The following TBC1D32 variants were observed in gnomAD, a reference collection of about 807,000 sequenced individuals.
The protein encoded by TBC1D32 is TBC1 domain family member 32.
TBC1D32 carries 151 observed loss-of-function variants against 170.3 expected under a neutral mutation model. That is an observed-to-expected ratio of 0.89 (90% CI 0.78 to 1.01). TBC1D32 has a LOEUF of 1.01. Ranked by LOEUF, TBC1D32 falls within the 50% of genes least tolerant of loss-of-function variation. TBC1D32 has a pLI of 0.00. For missense variants in TBC1D32, 1,464 were observed against 1,457.1 expected (o/e 1.00, Z -0.08); for synonymous variants, 498 against 488.0 (o/e 1.02, Z -0.27).
chr6:121,228,944 C>G (rs1795377786), intron 20 of TBC1D32, among the ~76,000 whole-genome samples: 1 of 151,978 alleles, frequency 6.6e-6, no homozygotes, highest in South Asian at 2.1e-4. Flanking sequence ...ATGATTATGT[C>G]TTTCTGGCGT....
intron 17 of TBC1D32, among the ~76,000 whole-genome samples, chr6:121,246,302 T>C (rs1315200648): frequency 6.6e-6 from 1 of 151,956 alleles, no homozygotes; most frequent in Non-Finnish European, 1.5e-5. Context: ...CACCGACTCT[T>C]CAACCTAAAA....
chr6:121,160,479 C>T lies in TBC1D32; in HGVS notation c.2680-376G>A, dbSNP rs1320024566. ...GTCAGTCATTTCTATCTTATCTTTC[C>T]GAGAGTGACAGTCAAAGCAAGAAGG... On this transcript the variant is annotated intron_variant, in intron 23 of 31. Transcript: ENST00000398212. 4.1e-5 allele frequency among the ~76,000 whole-genome samples: 6 copies of T among 145,330 alleles called. No homozygotes were observed. In the East Asian group the frequency reaches 7.3e-4, roughly 18 times the overall value.
intron 30 of TBC1D32, among the ~76,000 whole-genome samples, chr6:121,102,577 C>T (rs1778239483): frequency 6.6e-6 from 1 of 152,052 alleles, no homozygotes; most frequent in African/African-American, 2.4e-5. Context: ...ACATCTTATA[C>T]AAAAATTAAT....
chr6:121,192,081 T>TCTCC lies in TBC1D32; in HGVS notation c.2570+12993_2570+12994insGGAG, dbSNP rs1554263767. Among the ~76,000 whole-genome samples the TCTCC allele has an allele frequency of 1.3e-4, 17 of 132,498 alleles. 3 individuals are homozygous for TCTCC. Among genetic ancestry groups the TCTCC allele is most frequent in the Admixed American group, 1.2e-3 (12 of 9,932 alleles). 86.9% of individuals were successfully genotyped at this position (132,498 alleles called of 152,430 possible). ...AAACTACCCTTTATATATATATATA[T>TCTCC]ATCCTATTAGTTCTATCCTTCTGGG... On this transcript the variant is annotated intron_variant, in intron 22 of 31. Transcript: ENST00000398212.
intron 25 of TBC1D32, among the ~76,000 whole-genome samples, chr6:121,130,355 G>T (rs145071134): frequency 6.6e-6 from 1 of 151,942 alleles, no homozygotes; most frequent in Admixed American, 6.6e-5. Context: ...CGTGACATGC[G>T]CCTGTAATCC....
intron 22 of TBC1D32, among the ~76,000 whole-genome samples, chr6:121,173,386 T>C (rs1419961736): frequency 6.6e-6 from 1 of 152,030 alleles, no homozygotes; most frequent in Admixed American, 6.6e-5. Flanking sequence ...CTTAATGAAC[T>C]CCCTTTTATA....
chr6:121,098,791 A>G (rs2128184109), intron 30 of TBC1D32, among the ~76,000 whole-genome samples: 1 of 152,132 alleles, frequency 6.6e-6, no homozygotes, highest in East Asian at 1.9e-4. Flanking sequence ...CCACTTGTAT[A>G]TGATCCAGGA....
At chr6:121,118,536 T>C (rs72959284) in intron 26 of TBC1D32, among the ~76,000 whole-genome samples, 463 of 152,288 alleles carry the variant, frequency 3.0e-3, no homozygotes, top group Non-Finnish European at 3.4e-3. Flanking sequence ...AGCTAGCACA[T>C]ACAACAGCAG....
chr6:121,334,288 T>A lies in TBC1D32; in HGVS notation c.143A>T (p.Glu48Val), dbSNP rs2128522040. 1 of 1,614,022 alleles carries A rather than the reference T, an allele frequency of 6.2e-7. No homozygotes were observed. The highest frequency in any genetic ancestry group is 1.1e-5 in the South Asian group (1 of 91,072). ...EILLHLEETDENFHNYEFVKY... is the reference protein window; with the variant it reads ...EILLHLEETDVNFHNYEFVKY... Reference sequence around the variant, plus strand: ...AAAGCAATTTTACTTGTGAAAATTTTCATCAGTTTCCTCCAGATGTAAAAG... The same window carrying A: ...AAAGCAATTTTACTTGTGAAAATTTACATCAGTTTCCTCCAGATGTAAAAG... Residue 48 changes from glutamate (E) to valine (V), a missense_variant, in exon 1 of 32, where the codon GAA becomes GTA. Around this residue, in one of 3 missense-constraint regions of TBC1D32, gnomAD observed 1,363 missense variants for 1,338.1 expected, o/e 1.02. Transcript: ENST00000398212.
intron 21 of TBC1D32, among the ~76,000 whole-genome samples, chr6:121,219,109 G>A (rs533918696): frequency 3.3e-5 from 5 of 152,256 alleles, no homozygotes; most frequent in African/African-American, 1.2e-4. Context: ...AGGTAGTTGG[G>A]CAAAGATGCC....
intron 20 of TBC1D32, among the ~76,000 whole-genome samples, chr6:121,231,165 A>G (rs1795685519): frequency 1.3e-5 from 2 of 152,086 alleles, no homozygotes; most frequent in South Asian, 4.1e-4. Context: ...ATTCTTCTAC[A>G]TGTGGCTTGC....
At chr6:121,306,712 A>C (rs1318372464) in intron 5 of TBC1D32, among the ~76,000 whole-genome samples, 2 of 152,150 alleles carry the variant, frequency 1.3e-5, no homozygotes, top group Non-Finnish European at 2.9e-5. Flanking sequence ...GAATTACTGC[A>C]CTTGTTAATG....
At chr6:121,197,751 T>C (rs1474378595) in intron 22 of TBC1D32, among the ~76,000 whole-genome samples, 1 of 152,162 alleles carries the variant, frequency 6.6e-6, no homozygotes, top group African/African-American at 2.4e-5. Flanking sequence ...GGGTTCAAGC[T>C]GACAACAGGT....
intron 22 of TBC1D32, among the ~76,000 whole-genome samples, chr6:121,198,174 C>T (rs1791010735): frequency 7.3e-6 from 1 of 137,662 alleles, no homozygotes; most frequent in Non-Finnish European, 1.6e-5. Flanking sequence ...TATATATACA[C>T]ATATCCCTTT....
At chr6:121,281,720 C>T (rs1263364468) in intron 13 of TBC1D32, 34 bp from the exon 14 acceptor site, 2 of 1,505,554 alleles carry the variant, frequency 1.3e-6, no homozygotes, top group African/African-American at 1.4e-5. Flanking sequence ...AATACCAAAA[C>T]ATTAAATACT....
At chr6:121,162,262 T>G (rs1785806604) in intron 22 of TBC1D32, among the ~76,000 whole-genome samples, 1 of 152,204 alleles carries the variant, frequency 6.6e-6, no homozygotes, top group Admixed American at 6.5e-5. Context: ...TCATGAAATC[T>G]TTGCCCATGA....
chr6:121,145,666 G>C (rs1364253944), intron 24 of TBC1D32, among the ~76,000 whole-genome samples: 2 of 152,072 alleles, frequency 1.3e-5, no homozygotes, highest in African/African-American at 4.8e-5. Flanking sequence ...GCTGAATTTA[G>C]CCATTCCACA....
intron 12 of TBC1D32, among the ~76,000 whole-genome samples, chr6:121,288,167 G>A (rs962929684): frequency 6.6e-6 from 1 of 152,002 alleles, no homozygotes; most frequent in Non-Finnish European, 1.5e-5. Context: ...CAGAACTGAA[G>A]GAAATAAAGA....
intron 5 of TBC1D32, among the ~76,000 whole-genome samples, chr6:121,305,402 T>G (rs548676354): frequency 1.3e-5 from 2 of 151,920 alleles, no homozygotes; most frequent in East Asian, 3.9e-4. Context: ...GCACTAAGAG[T>G]TACTTTAAAA....
Sources: allele counts gnomAD v4.1 joint callset (sites outside exome capture counted in the v4.1 genomes callset), GRCh38; gene constraint gnomAD v4.1.1; regional missense constraint gnomAD v4.1.1; transcripts MANE v1.5; gene names NCBI Gene and HGNC (gene_info 2026-07-23, HGNC 2026-07-21).